STXBP5L: variants seen among roughly 807,000 people sequenced by gnomAD.
The protein encoded by STXBP5L is syntaxin binding protein 5L, also known as syntaxin-binding protein 5-like.
A neutral mutation model predicts 144.5 loss-of-function variants in STXBP5L; 65 were observed. The ratio of observed to expected loss-of-function variants is 0.45; its 90% confidence interval spans 0.37 to 0.55. STXBP5L has a LOEUF of 0.55. Ranked by LOEUF, STXBP5L falls within the 20% of genes least tolerant of loss-of-function variation. The pLI is 0.00. For missense variants in STXBP5L, 1,298 were observed against 1,405.5 expected, an observed-to-expected ratio of 0.92 and a Z score of 1.22; for synonymous variants, 505 against 469.6, an observed-to-expected ratio of 1.08 and a Z score of -0.97.
intron 3 of STXBP5L, among the ~76,000 whole-genome samples, chr3:120,982,221 G>A (rs996364368): frequency 2.6e-5 from 4 of 152,134 alleles, no homozygotes; most frequent in African/African-American, 9.7e-5. Flanking sequence ...ACTGGGAGGT[G>A]CTCTCTGTTG....
chr3:121,020,780 A>G (rs1159427147), intron 3 of STXBP5L, among the ~76,000 whole-genome samples: 1 of 152,062 alleles, frequency 6.6e-6, no homozygotes. Context: ...CTTGAAACAA[A>G]TCCTTGAAAT....
chr3:121,415,914 T>C lies in STXBP5L; in HGVS notation c.3172T>C (p.Phe1058Leu). The change falls in exon 25 of 27, where the codon TTT becomes CTT. Residue 1058 changes from phenylalanine to leucine, a missense_variant. Phe to Leu is a conservative substitution (Grantham distance 22). Coordinates refer to ENST00000471454, the MANE Select transcript of STXBP5L (RefSeq NM_001308330.2). The stretch of plus-strand genomic sequence containing the variant: ...GACACCAGAAGCTCAAAACAGAGGC[T>C]TTCTCAAGGGACTGTTTGGTGGAAG... ...IETPEAQNRG[F>L]LKGLFGGSGQ... 6.2e-7 allele frequency: 1 copy of C among 1,613,576 alleles called. No individual in the cohort carries two copies. The highest frequency in any genetic ancestry group is 8.5e-7 in the Non-Finnish European group (1 of 1,179,674).
intron 3 of STXBP5L, among the ~76,000 whole-genome samples, chr3:120,999,765 C>G (rs1451126583): frequency 2.0e-5 from 3 of 152,006 alleles, no homozygotes; most frequent in Admixed American, 6.6e-5. Flanking sequence ...TAAGGCAGGT[C>G]TTGATGGTAA....
At chr3:120,956,680 G>C (rs997714158) in intron 3 of STXBP5L, among the ~76,000 whole-genome samples, 1 of 151,680 alleles carries the variant, frequency 6.6e-6, no homozygotes, top group East Asian at 1.9e-4. Context: ...AGTTCTTTTG[G>C]GTATATATCC....
At chr3:121,066,247 G>A (rs545684920) in intron 5 of STXBP5L, among the ~76,000 whole-genome samples, 1 of 152,152 alleles carries the variant, frequency 6.6e-6, no homozygotes, top group East Asian at 1.9e-4. Context: ...ATTACTGATT[G>A]TAGGGGGAAT....
chr3:121,385,879 G>A (rs890889800), intron 22 of STXBP5L, among the ~76,000 whole-genome samples: 17 of 152,178 alleles, frequency 1.1e-4, no homozygotes, highest in East Asian at 1.9e-4. Context: ...ATGAAAATAG[G>A]TTAATGTGCT....
At chr3:121,186,042 T>G (rs1176743952) in intron 9 of STXBP5L, among the ~76,000 whole-genome samples, 1 of 152,184 alleles carries the variant, frequency 6.6e-6, no homozygotes, top group Non-Finnish European at 1.5e-5. Flanking sequence ...CCTAGGTATT[T>G]TATTCTCTTT....
At chr3:121,050,792 A>G (rs1947913312) in intron 5 of STXBP5L, among the ~76,000 whole-genome samples, 1 of 152,222 alleles carries the variant, frequency 6.6e-6, no homozygotes, top group African/African-American at 2.4e-5. Context: ...AGACTGGCAA[A>G]TTGGATAAAG....
intron 19 of STXBP5L, among the ~76,000 whole-genome samples, chr3:121,311,277 A>C (rs1403152342): frequency 1.3e-5 from 2 of 152,360 alleles, no homozygotes; most frequent in Middle Eastern, 3.4e-3. Flanking sequence ...AGAATGCAAA[A>C]TAGACAGCCC....
At chr3:120,958,918 G>C (rs1372782486) in intron 3 of STXBP5L, among the ~76,000 whole-genome samples, 1 of 152,286 alleles carries the variant, frequency 6.6e-6, no homozygotes, top group Non-Finnish European at 1.5e-5. Context: ...AATTAGGCAG[G>C]AGAAGGAAAT....
At chr3:121,041,421 A>T (rs1045762445) in intron 3 of STXBP5L, among the ~76,000 whole-genome samples, 2 of 152,092 alleles carry the variant, frequency 1.3e-5, no homozygotes. Context: ...TCTTAAATGA[A>T]ATGAGGTGTA....
At chr3:121,135,166 G>A (rs975040802) in intron 7 of STXBP5L, among the ~76,000 whole-genome samples, 30 of 152,278 alleles carry the variant, frequency 2.0e-4, no homozygotes, top group Non-Finnish European at 4.4e-5. Context: ...GTGATGATGA[G>A]CATTTTTTCA....
At chr3:121,392,235 G>T (rs956570885) in intron 22 of STXBP5L, among the ~76,000 whole-genome samples, 3 of 152,232 alleles carry the variant, frequency 2.0e-5, no homozygotes, top group African/African-American at 7.2e-5. Flanking sequence ...CACATTGTTT[G>T]CCAGTTGCTA....
chr3:121,037,978 T>A (rs1277549309), intron 3 of STXBP5L, among the ~76,000 whole-genome samples: 2 of 152,028 alleles, frequency 1.3e-5, no homozygotes, highest in Non-Finnish European at 2.9e-5. Flanking sequence ...CTTTTTAATT[T>A]CTAAAGTTTT....
chr3:121,194,078 T>A (rs2047822616), intron 9 of STXBP5L, among the ~76,000 whole-genome samples: 2 of 152,128 alleles, frequency 1.3e-5, no homozygotes, highest in African/African-American at 2.4e-5. Flanking sequence ...AGTATATGAT[T>A]CAATGATTTT....
intron 3 of STXBP5L, among the ~76,000 whole-genome samples, chr3:120,994,941 C>T (rs1041160502): frequency 6.6e-6 from 1 of 151,988 alleles, no homozygotes; most frequent in Non-Finnish European, 1.5e-5. Context: ...ATTACTGATT[C>T]AATCTTGTTA....
chr3:121,257,407 T>C, intron 17 of STXBP5L, 74 bp downstream of exon 17: 2 of 1,360,178 alleles, frequency 1.5e-6, no homozygotes, highest in Non-Finnish European at 2.0e-6. Flanking sequence ...ACAAATGAAA[T>C]TAATTTTCTC....
Position 121,379,147 on chromosome 3 carries a change from A to G in STXBP5L, c.2347+261A>G, listed in dbSNP as rs149082565. On this transcript the variant is annotated intron_variant, in intron 21 of 26. Transcript: ENST00000471454. ...TGTACAAAGGGAGACCTATGCCTAAATCTGTTCCCTACCCTTCCCATAATA... is the reference window on the plus strand; with the variant it reads ...TGTACAAAGGGAGACCTATGCCTAAGTCTGTTCCCTACCCTTCCCATAATA... 4.6e-3 allele frequency among the ~76,000 whole-genome samples: 699 copies of G among 152,166 alleles called. 9 individuals carry two copies. Among genetic ancestry groups the G allele is most frequent in the Non-Finnish European group, 2.3e-3 (157 of 67,994 alleles).
At chr3:120,949,901 T>C (rs1000420891) in intron 2 of STXBP5L, among the ~76,000 whole-genome samples, 7 of 151,624 alleles carry the variant, frequency 4.6e-5, no homozygotes, top group Non-Finnish European at 8.9e-5. Context: ...GTGTCCTTTA[T>C]AGCGCATAAG....
Sources: allele counts gnomAD v4.1 joint callset (sites outside exome capture counted in the v4.1 genomes callset), GRCh38; gene constraint gnomAD v4.1.1; transcripts MANE v1.5; gene names NCBI Gene and HGNC (gene_info 2026-07-23, HGNC 2026-07-21).